Variants in GMDS observed in about 807,000 individuals in gnomAD.
The protein encoded by GMDS is GDP-mannose 4,6 dehydratase.
GMDS carries 20 observed loss-of-function variants against 49.9 expected under a neutral mutation model. That is an observed-to-expected ratio of 0.40 (90% confidence interval 0.28 to 0.58). The LOEUF (loss-of-function observed/expected upper bound fraction) is 0.58. GMDS is among the 20% of genes least tolerant of loss of function. The probability of loss-of-function intolerance (pLI) is 0.42; values close to 1 mark genes in which losing one functional copy is unlikely to be tolerated. For missense variants in GMDS, 362 were observed against 481.4 expected (o/e 0.75, Z 2.32); for synonymous variants, 177 against 178.6 (o/e 0.99, Z 0.07).
chr6:1,797,719 T>C (rs1769793766), intron 7 of GMDS, among the ~76,000 whole-genome samples: 1 of 152,092 alleles, frequency 6.6e-6, no homozygotes, highest in African/African-American at 2.4e-5. Flanking sequence ...CTAGGATGTG[T>C]GGCAGAGCCG....
chr6:2,025,564 C>G (rs1017837437), intron 4 of GMDS, among the ~76,000 whole-genome samples: 1 of 151,916 alleles, frequency 6.6e-6, no homozygotes. Context: ...AAAATCAAAT[C>G]AAGCATTCAC....
chr6:1,924,375 G>A (rs1048174320), intron 7 of GMDS, among the ~76,000 whole-genome samples: 2 of 152,250 alleles, frequency 1.3e-5, no homozygotes, highest in South Asian at 4.2e-4. Flanking sequence ...AGCATCTGTG[G>A]GATTAGCTGT....
intron 9 of GMDS, among the ~76,000 whole-genome samples, chr6:1,671,607 T>A (rs1224253942): frequency 2.6e-5 from 4 of 151,992 alleles, no homozygotes; most frequent in African/African-American, 9.7e-5. Context: ...TCCCTAAGTA[T>A]GTATAAGATA....
At chr6:1,769,453 G>A (rs1338288343) in intron 7 of GMDS, among the ~76,000 whole-genome samples, 1 of 152,220 alleles carries the variant, frequency 6.6e-6, no homozygotes, top group East Asian at 1.9e-4. Flanking sequence ...AGGAAGCACA[G>A]GGATGGAATT....
At chr6:1,996,798 T>C (rs1012028469) in intron 4 of GMDS, among the ~76,000 whole-genome samples, 3 of 152,198 alleles carry the variant, frequency 2.0e-5, no homozygotes, top group Non-Finnish European at 2.9e-5. Flanking sequence ...CTAAAAAATG[T>C]AGTTCTTCAT....
At chr6:1,710,639 G>C (rs1008559360) in intron 9 of GMDS, among the ~76,000 whole-genome samples, 4 of 152,170 alleles carry the variant, frequency 2.6e-5, no homozygotes, top group African/African-American at 9.7e-5. Flanking sequence ...CCGAGGATGG[G>C]GTCAGGGAAG....
At position 1,664,525 on chromosome 6, in the gene GMDS, G is replaced by A. The variant is rs541227607; in HGVS notation, c.988-39985C>T. ...GTGTCCTGTTCTCCCTAGAGTCCCC[G>A]ATTCATGGTGTCTGGCCACTCCTAC... On this transcript the variant is annotated intron_variant, in intron 9 of 10. Transcript: ENST00000380815. Among the ~76,000 whole-genome samples, 7 of 152,300 alleles carry A rather than the reference G, an allele frequency of 4.6e-5. No individual in the cohort carries two copies. The East Asian group carries it at 5.8e-4, about 13-fold the overall frequency.
At chr6:1,643,663 TG>T (rs1382784410) in intron 9 of GMDS, among the ~76,000 whole-genome samples, 1 of 151,918 alleles carries the variant, frequency 6.6e-6, no homozygotes, top group East Asian at 1.9e-4. Flanking sequence ...GGGGGGACAC[TG>T]GGGACTGCTA....
At chr6:2,068,330 G>A (rs1173150842) in intron 4 of GMDS, among the ~76,000 whole-genome samples, 5 of 150,056 alleles carry the variant, frequency 3.3e-5, no homozygotes, top group Non-Finnish European at 7.5e-5. Flanking sequence ...GCAAAAACTG[G>A]AAGCATTCCC....
chr6:1,647,009 T>C (rs921368014), intron 9 of GMDS, among the ~76,000 whole-genome samples: 26 of 152,198 alleles, frequency 1.7e-4, no homozygotes, highest in Non-Finnish European at 3.7e-4. Flanking sequence ...TCTTGCCCCT[T>C]CCTTGCCCTG....
intron 2 of GMDS, among the ~76,000 whole-genome samples, chr6:2,122,223 T>C (rs146988235): frequency 4.4e-3 from 669 of 152,302 alleles, no homozygotes; most frequent in Middle Eastern, 0.017. Flanking sequence ...CCTTTAGTTG[T>C]GGTGGTTTCT....
chr6:2,042,733 C>A (rs550499888), intron 4 of GMDS, among the ~76,000 whole-genome samples: 1 of 152,204 alleles, frequency 6.6e-6, no homozygotes, highest in Admixed American at 6.5e-5. Context: ...TAGATTCAAA[C>A]CCTTTATCAT....
chr6:2,067,876 A>G (rs995657386), intron 4 of GMDS, among the ~76,000 whole-genome samples: 130 of 151,780 alleles, frequency 8.6e-4, no homozygotes, highest in African/African-American at 3.1e-3. Flanking sequence ...AACTATTTCA[A>G]TCAATAGAAA....
chr6:1,659,709 C>T (rs568235794), intron 9 of GMDS, among the ~76,000 whole-genome samples: 1 of 152,262 alleles, frequency 6.6e-6, no homozygotes, highest in South Asian at 2.1e-4. Context: ...GCAGAGGACA[C>T]TTTTCACCCT....
intron 7 of GMDS, among the ~76,000 whole-genome samples, chr6:1,901,915 G>C (rs1425507063): frequency 3.9e-5 from 6 of 152,232 alleles, no homozygotes; most frequent in Non-Finnish European, 7.3e-5. Context: ...ACACAGAGGG[G>C]AGACAGGGAA....
intron 9 of GMDS, among the ~76,000 whole-genome samples, chr6:1,627,755 C>T (rs1762885901): frequency 6.6e-6 from 1 of 152,124 alleles, no homozygotes; most frequent in Non-Finnish European, 1.5e-5. Context: ...TCCACCAGTG[C>T]AACTGGGTGG....
chr6:1,869,656 A>G (rs1253677093), intron 7 of GMDS, among the ~76,000 whole-genome samples: 2 of 152,262 alleles, frequency 1.3e-5, no homozygotes. Flanking sequence ...TCTGCTTCTC[A>G]GCAAGGGAGG....
intron 1 of GMDS, among the ~76,000 whole-genome samples, chr6:2,213,755 G>A (rs1304153295): frequency 6.6e-6 from 1 of 152,076 alleles, no homozygotes; most frequent in Non-Finnish European, 1.5e-5. Context: ...GAGAATAGGA[G>A]GACGAAGGCT....
At chr6:2,164,036 C>T (rs557531721) in intron 1 of GMDS, among the ~76,000 whole-genome samples, 4 of 152,348 alleles carry the variant, frequency 2.6e-5, no homozygotes, top group Non-Finnish European at 5.9e-5. Flanking sequence ...CTTTTCTCTA[C>T]ATTAAAATGA....
Sources: allele counts gnomAD v4.1 joint callset (sites outside exome capture counted in the v4.1 genomes callset), GRCh38; gene constraint gnomAD v4.1.1; transcripts MANE v1.5; gene names NCBI Gene and HGNC (gene_info 2026-07-23, HGNC 2026-07-21).